The following OPCML variants were observed in gnomAD, a reference collection of about 807,000 sequenced individuals.
OPCML encodes opioid binding protein/cell adhesion molecule like.
OPCML carries 13 observed loss-of-function variants against 37.8 expected under a neutral mutation model. The ratio of observed to expected loss-of-function variants is 0.34; its 90% CI spans 0.22 to 0.55. The LOEUF is 0.55. Ranked by LOEUF, OPCML falls within the 20% of genes least tolerant of loss-of-function variation. OPCML has a pLI of 0.91. For missense variants in OPCML, 341 were observed against 435.6 expected (o/e 0.78, Z 1.93); for synonymous variants, 176 against 168.8 (o/e 1.04, Z -0.33).
chr11:133,519,550 T>C (rs1948357602), intron 1 of OPCML, among the ~76,000 whole-genome samples: 1 of 152,112 alleles, frequency 6.6e-6, no homozygotes, highest in African/African-American at 2.4e-5. Flanking sequence ...AGAATCAAGA[T>C]TATAAGATGC....
chr11:132,782,321 ATG>A (rs1402669135), intron 2 of OPCML, among the ~76,000 whole-genome samples: 1 of 152,038 alleles, frequency 6.6e-6, no homozygotes, highest in East Asian at 1.9e-4. Flanking sequence ...AGGCCAGTGC[ATG>A]GCCCTGGCAT....
chr11:133,406,056 G>GGA (rs1210420337), intron 1 of OPCML, among the ~76,000 whole-genome samples: 1 of 152,056 alleles, frequency 6.6e-6, no homozygotes, highest in Non-Finnish European at 1.5e-5. Flanking sequence ...CACTGGGTAC[G>GGA]GACTGTGTCT....
At chr11:133,084,041 TC>T (rs1304032751) in intron 1 of OPCML, among the ~76,000 whole-genome samples, 1 of 152,204 alleles carries the variant, frequency 6.6e-6, no homozygotes, top group Non-Finnish European at 1.5e-5. Context: ...GATGGCAAAT[TC>T]TTTGAGAGCA....
chr11:132,678,353 A>G (rs1003706028), intron 2 of OPCML, among the ~76,000 whole-genome samples: 10 of 152,192 alleles, frequency 6.6e-5, no homozygotes, highest in African/African-American at 2.4e-4. Context: ...TACAAAATTA[A>G]ACGTACTCTT....
chr11:133,173,915 C>T lies in OPCML; in HGVS notation c.62-230905G>A, dbSNP rs909390510. On this transcript the variant is annotated intron_variant, in intron 1 of 7. Coordinates refer to ENST00000524381, the MANE Select transcript of OPCML (RefSeq NM_001012393.5). The surrounding 1 kb of genome is among the most constrained non-coding windows in gnomAD (Gnocchi z 7.8). ...GAATGAAGATTGGACCGGGGCCGGC[C>T]GGCACTGGAGCAGCCCTCTCCCTCC... is the stretch of plus-strand genomic sequence containing the variant. 3.3e-5 allele frequency among the ~76,000 whole-genome samples: 5 copies of T among 152,178 alleles called. No individual in the cohort carries two copies. The highest frequency in any genetic ancestry group is 3.9e-4 in the East Asian group (2 of 5,192).
chr11:132,961,080 G>A (rs1411054658), intron 1 of OPCML, among the ~76,000 whole-genome samples: 1 of 152,194 alleles, frequency 6.6e-6, no homozygotes. Flanking sequence ...GCAAGGGTCT[G>A]TCAGAAATAA....
intron 3 of OPCML, among the ~76,000 whole-genome samples, chr11:132,537,855 C>G (rs2096345080): frequency 6.6e-6 from 1 of 152,030 alleles, no homozygotes; most frequent in Non-Finnish European, 1.5e-5. Context: ...AAATCAAAAC[C>G]ACAATGAGAT....
At chr11:132,841,538 A>G (rs1565902526) in intron 2 of OPCML, among the ~76,000 whole-genome samples, 1 of 152,142 alleles carries the variant, frequency 6.6e-6, no homozygotes, top group African/African-American at 2.4e-5. Flanking sequence ...CCTCAAAAAT[A>G]CAATCTACCT....
chr11:132,610,284 C>T (rs1263865254), intron 3 of OPCML, among the ~76,000 whole-genome samples: 1 of 152,186 alleles, frequency 6.6e-6, no homozygotes, highest in Non-Finnish European at 1.5e-5. Flanking sequence ...GTTAGTTAGG[C>T]AACTCTGCCA....
chr11:132,428,213 G>A (rs1044831519), intron 7 of OPCML, among the ~76,000 whole-genome samples: 30 of 152,174 alleles, frequency 2.0e-4, no homozygotes, highest in African/African-American at 6.5e-4. Flanking sequence ...GAACGCAAGG[G>A]AAAGTCAGAA....
In OPCML at chr11:133,140,955, A is replaced by AGAC. The variant is rs1182649151; in HGVS notation, c.62-197946_62-197945insGTC. Among the ~76,000 whole-genome samples, 6 of 1,984 alleles carry AGAC rather than the reference A, an allele frequency of 3.0e-3. 2 individuals carry two copies. The highest frequency in any genetic ancestry group is 4.5e-3 in the African/African-American group (6 of 1,322). 1.3% of individuals were successfully genotyped at this position (1,984 alleles called of 152,430 possible). On this transcript the variant is annotated intron_variant, in intron 1 of 7. Transcript: ENST00000524381. ...ACGAAGAAGAAGAAGACGACGAAGA[A>AGAC]GAAGAAGAAGAAGAAGAAGAAGAAG...
chr11:132,727,971 G>A (rs1273432611), intron 2 of OPCML, among the ~76,000 whole-genome samples: 1 of 152,192 alleles, frequency 6.6e-6, no homozygotes, highest in African/African-American at 2.4e-5. Context: ...GAAGGGCAGT[G>A]GGGTTTGTCC....
chr11:132,732,099 T>C (rs1945097321), intron 2 of OPCML, among the ~76,000 whole-genome samples: 1 of 152,180 alleles, frequency 6.6e-6, no homozygotes. Flanking sequence ...GATGGGGATG[T>C]ATGGTGAGAC....
At chr11:132,624,241 A>G (rs553985881) in intron 3 of OPCML, among the ~76,000 whole-genome samples, 1 of 152,330 alleles carries the variant, frequency 6.6e-6, no homozygotes, top group East Asian at 1.9e-4. Flanking sequence ...AACAGGCTCA[A>G]GTGTTTATGA....
At chr11:132,444,132 G>A (rs1425556272) in intron 4 of OPCML, among the ~76,000 whole-genome samples, 1 of 152,178 alleles carries the variant, frequency 6.6e-6, no homozygotes, top group Non-Finnish European at 1.5e-5. Context: ...CCAGGGAGGG[G>A]ATGGAGACAC....
At position 132,529,070 on chromosome 11, in the gene OPCML, A is replaced by G. The variant is rs2096316497; in HGVS notation, c.496T>C (p.Ser166Pro). 3 of 1,611,924 alleles carry G rather than the reference A, an allele frequency of 1.9e-6. No homozygotes were observed. Among genetic ancestry groups the G allele is most frequent in the Middle Eastern group, 3.3e-4 (2 of 6,046 alleles). ...PEPTVTWRHL[S>P]VKEGQGFVSE... ...CAGGTCAGCACCTTACCCTTGACTG[A>G]CAGGTGTCTCCATGTCACAGTTGGC... is the stretch of plus-strand genomic sequence containing the variant. The change falls in exon 4 of 8, where the codon TCA (serine) becomes CCA (proline). Residue 166 changes from serine (S) to proline (P), a missense_variant. Ser to Pro is a moderately conservative substitution (Grantham distance 74). Coordinates refer to ENST00000524381, the MANE Select transcript of OPCML (RefSeq NM_001012393.5).
chr11:133,017,168 T>G (rs913708640), intron 1 of OPCML, among the ~76,000 whole-genome samples: 1 of 152,188 alleles, frequency 6.6e-6, no homozygotes, highest in Non-Finnish European at 1.5e-5. Context: ...AGACACTAAC[T>G]GATTTTCTGC....
chr11:133,224,737 A>G (rs1024182563), intron 1 of OPCML, among the ~76,000 whole-genome samples: 2 of 152,270 alleles, frequency 1.3e-5, no homozygotes, highest in South Asian at 2.1e-4. Context: ...TAATGATAAC[A>G]GATGGCTTCA....
chr11:132,581,623 C>T (rs2096462125), intron 3 of OPCML, among the ~76,000 whole-genome samples: 1 of 152,136 alleles, frequency 6.6e-6, no homozygotes, highest in Non-Finnish European at 1.5e-5. Flanking sequence ...TGAATCCTGT[C>T]CCACCTCCCT....
Sources: allele counts gnomAD v4.1 joint callset (sites outside exome capture counted in the v4.1 genomes callset), GRCh38; gene constraint gnomAD v4.1.1; non-coding constraint Gnocchi (gnomAD v3.1); transcripts MANE v1.5; gene names NCBI Gene and HGNC (gene_info 2026-07-23, HGNC 2026-07-21).